Variants in NOS1AP observed in about 807,000 individuals in gnomAD.
NOS1AP encodes carboxyl-terminal PDZ ligand of neuronal nitric oxide synthase protein.
In NOS1AP, 21 loss-of-function variants were observed where a neutral mutation model predicts 56.2. The ratio of observed to expected loss-of-function variants is 0.37; its 90% confidence interval spans 0.26 to 0.54. NOS1AP has a LOEUF of 0.54. NOS1AP is among the 20% of genes least tolerant of loss of function. NOS1AP has a pLI of 0.84. For missense variants in NOS1AP, 522 were observed against 657.8 expected (o/e 0.79, Z 2.26); for synonymous variants, 270 against 274.6 (o/e 0.98, Z 0.17).
chr1:162,149,233 A>G (rs1293471929), intron 1 of NOS1AP, among the ~76,000 whole-genome samples: 1 of 152,186 alleles, frequency 6.6e-6, no homozygotes, highest in East Asian at 1.9e-4. Context: ...AAGGCAGGGA[A>G]TTGGTGTTGC....
intron 1 of NOS1AP, among the ~76,000 whole-genome samples, chr1:162,074,821 C>T (rs1041396677): frequency 3.3e-5 from 5 of 152,134 alleles, no homozygotes; most frequent in Admixed American, 2.0e-4. Context: ...GTGCCTTGGT[C>T]GTCCTTCATG....
chr1:162,276,540 A>T (rs953636817), intron 2 of NOS1AP, among the ~76,000 whole-genome samples: 3 of 151,246 alleles, frequency 2.0e-5, no homozygotes, highest in African/African-American at 7.3e-5. Flanking sequence ...AAAAAAAAAA[A>T]GCCCAATGTC....
intron 2 of NOS1AP, among the ~76,000 whole-genome samples, chr1:162,155,883 G>A (rs1037135094): frequency 6.6e-6 from 1 of 152,162 alleles, no homozygotes; most frequent in Non-Finnish European, 1.5e-5. Flanking sequence ...ATGCAGCCTG[G>A]TTTGTTCTTT....
intron 2 of NOS1AP, among the ~76,000 whole-genome samples, chr1:162,274,254 A>T (rs1557859039): frequency 6.6e-6 from 1 of 152,164 alleles, no homozygotes; most frequent in Non-Finnish European, 1.5e-5. Flanking sequence ...TGACTTCAGT[A>T]GGGATGGCAC....
intron 1 of NOS1AP, among the ~76,000 whole-genome samples, chr1:162,074,292 C>T (rs1691726223): frequency 6.6e-6 from 1 of 152,180 alleles, no homozygotes; most frequent in Non-Finnish European, 1.5e-5. Flanking sequence ...CCTCACACTC[C>T]AGGGCTTTTG....
At chr1:162,331,163 ACAT>A (rs954393000) in intron 4 of NOS1AP, among the ~76,000 whole-genome samples, 2 of 152,158 alleles carry the variant, frequency 1.3e-5, no homozygotes, top group African/African-American at 4.8e-5. Flanking sequence ...AGACAGTTTG[ACAT>A]CATTAGAAGG....
At chr1:162,217,266 G>GTTTTTTTTTTTTTTTTTTTTTTTTTT (rs1557836281) in intron 2 of NOS1AP, among the ~76,000 whole-genome samples, 1 of 18,290 alleles carries the variant, frequency 5.5e-5, no homozygotes, top group Non-Finnish European at 1.5e-4. Flanking sequence ...GCTGTTGTTA[G>GTTTTTTTTTTTTTTTTTTTTTTTTTT]CTTTTTTTTT....
chr1:162,118,850 T>C (rs762895719), intron 1 of NOS1AP, among the ~76,000 whole-genome samples: 2 of 152,158 alleles, frequency 1.3e-5, no homozygotes, highest in Non-Finnish European at 2.9e-5. Context: ...CTGTGAGTTC[T>C]TTTCACTTTT....
Position 162,294,532 on chromosome 1 carries a change from C to G in NOS1AP, c.271-6101C>G, listed in dbSNP as rs149287976. ...TATGATCACACCTTTCTTTCTCACT[C>G]CAGAAAATGTTTACTAATCGAGATA... On this transcript the variant is annotated intron_variant, in intron 3 of 9. Transcript: ENST00000361897. 2.1e-3 allele frequency among the ~76,000 whole-genome samples: 317 copies of G among 152,246 alleles called. 1 individual carries two copies. Among genetic ancestry groups the G allele is most frequent in the African/African-American group, 7.2e-3 (301 of 41,544 alleles).
intron 8 of NOS1AP, chr1:162,362,973 C>T (rs1161152188): frequency 1.3e-5 from 12 of 934,498 alleles, no homozygotes. Flanking sequence ...TATACTGTCA[C>T]AACATACTTC....
chr1:162,085,948 G>A (rs781343757), intron 1 of NOS1AP, among the ~76,000 whole-genome samples: 5 of 152,074 alleles, frequency 3.3e-5, no homozygotes, highest in African/African-American at 1.2e-4. Flanking sequence ...GCTACTGAGG[G>A]TCTGTCAAAT....
At chr1:162,340,355 G>A (rs1327152483) in intron 5 of NOS1AP, among the ~76,000 whole-genome samples, 1 of 152,180 alleles carries the variant, frequency 6.6e-6, no homozygotes, top group Non-Finnish European at 1.5e-5. Context: ...ATTTGGCTCA[G>A]GAATTTTCCT....
At chr1:162,152,061 G>A (rs1211316735) in intron 1 of NOS1AP, among the ~76,000 whole-genome samples, 1 of 152,184 alleles carries the variant, frequency 6.6e-6, no homozygotes, top group Non-Finnish European at 1.5e-5. Context: ...TGTCCTCCCT[G>A]CATCCTATGT....
intron 4 of NOS1AP, among the ~76,000 whole-genome samples, chr1:162,325,779 C>T (rs1407438578): frequency 6.6e-6 from 1 of 151,678 alleles, no homozygotes; most frequent in South Asian, 2.1e-4. Context: ...TGACTTGGTA[C>T]CTTATCTTTA....
chr1:162,328,751 G>A (rs185418799), intron 4 of NOS1AP, among the ~76,000 whole-genome samples: 18 of 152,264 alleles, frequency 1.2e-4, no homozygotes, highest in Admixed American at 2.6e-4. Context: ...CATTCCTGTT[G>A]GCAGAATTCC....
At chr1:162,228,010 A>G (rs1361374702) in intron 2 of NOS1AP, among the ~76,000 whole-genome samples, 5 of 152,252 alleles carry the variant, frequency 3.3e-5, no homozygotes, top group Non-Finnish European at 5.9e-5. Context: ...GCCAATATGA[A>G]AAGATCCAAT....
chr1:162,296,061 C>T (rs555754927), intron 3 of NOS1AP, among the ~76,000 whole-genome samples: 4 of 152,086 alleles, frequency 2.6e-5, no homozygotes, highest in South Asian at 2.1e-4. Context: ...CCGAGGCAGG[C>T]GGATCACCTG....
intron 2 of NOS1AP, among the ~76,000 whole-genome samples, chr1:162,261,484 GA>G (rs1654212788): frequency 0.029 from 2 of 68 alleles, 1 homozygote; most frequent in Non-Finnish European, 1. Context: ...GAGAGAGAGA[GA>G]GAGAGAGAGA....
Position 162,343,905 on chromosome 1 carries a change from A to G in NOS1AP, c.524A>G (p.His175Arg), listed in dbSNP as rs1657188147. ...GTCTGCCACAAGCTGAGCCTGCAGC[A>G]CACGCAGCAGAATGCAGATGGCCAG... is the stretch of plus-strand genomic sequence containing the variant. ...FEVCHKLSLQ[H>R]TQQNADGQED... The change falls in exon 6 of 10, where the codon CAC (histidine) becomes CGC (arginine). Residue 175 changes from histidine to arginine, a missense_variant. Physicochemically the swap from His to Arg is conservative, Grantham distance 29 (BLOSUM62 0). Coordinates refer to ENST00000361897, the MANE Select transcript of NOS1AP (RefSeq NM_014697.3). 21 of 1,613,988 alleles carry G rather than the reference A, an allele frequency of 1.3e-5. No individual in the cohort carries two copies. Among genetic ancestry groups the G allele is most frequent in the Non-Finnish European group, 1.7e-5 (20 of 1,180,000 alleles).
Sources: gnomAD v4.1 joint callset for allele counts (sites outside exome capture counted in the v4.1 genomes callset) on GRCh38, gnomAD v4.1.1 for gene constraint, MANE v1.5 for transcripts, NCBI Gene and HGNC (gene_info 2026-07-23, HGNC 2026-07-21) for gene names.